Variants in PHTF1 observed in about 807,000 individuals in gnomAD.
PHTF1 encodes putative homeodomain transcription factor 1, also known as protein PHTF1.
In PHTF1, 88 loss-of-function variants were observed where a neutral mutation model predicts 102.4. The observed-to-expected ratio is 0.86, with a 90% CI of 0.72 to 1.03. The LOEUF (loss-of-function observed/expected upper bound fraction) is 1.03. Among genes scored for constraint, PHTF1 ranks in the 50% least tolerant of loss-of-function variants. The pLI is 0.00. For synonymous variants in PHTF1, 289 were observed against 305.2 expected (o/e 0.95, Z 0.55); for missense variants, 814 against 909.5 (o/e 0.89, Z 1.35).
intron 5 of PHTF1, among the ~76,000 whole-genome samples, chr1:113,731,119 T>C (rs774737298): frequency 6.6e-6 from 1 of 152,100 alleles, no homozygotes; most frequent in Non-Finnish European, 1.5e-5. Flanking sequence ...GTATACTTAA[T>C]GCCACTGAAC....
At chr1:113,710,583 A>G in intron 10 of PHTF1, 108 bp from the exon 11 acceptor site, 1 of 739,690 alleles carries the variant, frequency 1.4e-6, no homozygotes, top group Non-Finnish European at 2.2e-6. Flanking sequence ...AAGCCTTCAG[A>G]AGTCAATCAC....
intron 13 of PHTF1, among the ~76,000 whole-genome samples, chr1:113,705,465 A>C (rs1371815689): frequency 6.6e-6 from 1 of 151,930 alleles, no homozygotes; most frequent in Non-Finnish European, 1.5e-5. Context: ...AATAAATCAC[A>C]CTTCTTCTGC....
Position 113,726,520 on chromosome 1 carries a change from A to C in PHTF1, c.386T>G (p.Leu129Arg). ...MMPIVNISEV[L>R]GPLCLMLLMG... ...GAGTAGCATAAGGCACAAGGGTCCA[A>C]GTACTTCACTTATGTTCACAATAGG... Residue 129 changes from leucine to arginine, a missense_variant, in exon 6 of 19, where the codon CTT (leucine) becomes CGT (arginine). Transcript: ENST00000369604. 1 of 1,608,150 alleles carries C rather than the reference A, an allele frequency of 6.2e-7. No individual in the cohort carries two copies. Among genetic ancestry groups the C allele is most frequent in the South Asian group, 1.1e-5 (1 of 90,446 alleles).
At chr1:113,709,694 TCACACTA>T (rs1423860748) in intron 11 of PHTF1, among the ~76,000 whole-genome samples, 1 of 152,192 alleles carries the variant, frequency 6.6e-6, no homozygotes, top group Non-Finnish European at 1.5e-5. Flanking sequence ...ATTAGCTATT[TCACACTA>T]TTCCTAAGAA....
intron 3 of PHTF1, among the ~76,000 whole-genome samples, chr1:113,750,630 A>G (rs929866451): frequency 2.0e-5 from 3 of 150,344 alleles, no homozygotes; most frequent in African/African-American, 7.3e-5. Context: ...AGGCCAAGGC[A>G]GGCAGATCAT....
At chr1:113,700,717 T>G in intron 16 of PHTF1, 77 bp downstream of exon 16, 1 of 1,374,636 alleles carries the variant, frequency 7.3e-7, no homozygotes, top group Admixed American at 2.0e-5. Context: ...GATTAAACCC[T>G]GAATCCTCTG....
In PHTF1 at chr1:113,700,972, G is replaced by C. The variant is rs1300941331; in HGVS notation, c.1891-23C>G. On this transcript the variant is annotated intron_variant, in intron 15 of 18. Coordinates refer to ENST00000369604, the MANE Select transcript of PHTF1 (RefSeq NM_001323043.2). ...AACCTATACAAAGGATCAAAAAAAA[G>C]TTAAGTTTTTCATTTACCTTAAAAT... The C allele has an allele frequency of 2.6e-6, 4 of 1,557,532 alleles. No homozygotes were observed. The South Asian group carries it at 3.6e-5, about 14-fold the overall frequency.
intron 1 of PHTF1, 80 bp from the exon 2 acceptor site, chr1:113,758,813 T>C: frequency 1.3e-6 from 2 of 1,491,264 alleles, no homozygotes; most frequent in Non-Finnish European, 1.8e-6. Context: ...CGAAAACCGC[T>C]TCTCTCAGCC....
intron 2 of PHTF1, 25 bp downstream of exon 2, chr1:113,758,634 T>C (rs1659245587): frequency 2.9e-6 from 4 of 1,390,990 alleles, no homozygotes; most frequent in Admixed American, 2.1e-5. Flanking sequence ...GCTTTACAAA[T>C]AAAAAAAATA....
At chr1:113,752,606 G>A (rs1186133151) in intron 3 of PHTF1, among the ~76,000 whole-genome samples, 5 of 151,832 alleles carry the variant, frequency 3.3e-5, no homozygotes, top group Non-Finnish European at 5.9e-5. Flanking sequence ...GGATGGTCTC[G>A]ATCTCCTGAC....
chr1:113,722,131 A>G (rs137984801), intron 7 of PHTF1, among the ~76,000 whole-genome samples: 3 of 152,288 alleles, frequency 2.0e-5, no homozygotes, highest in African/African-American at 4.8e-5. Flanking sequence ...TCTATAATGA[A>G]AACTATAAAA....
Position 113,710,305 on chromosome 1 carries a change from A to G in PHTF1, c.1218T>C (p.Asn406=), listed in dbSNP as rs1433758489. 2 of 1,613,950 alleles carry G rather than the reference A, an allele frequency of 1.2e-6. No individual in the cohort carries two copies. Among genetic ancestry groups the G allele is most frequent in the African/African-American group, 2.7e-5 (2 of 74,938 alleles). ...CACGTTTGGTCCCTGAGTGAAGGGT[A>G]TTCACATGGGCCCCCTCACTGTCAC... ...VTSDSEGAHV[N]TLHSGTKRDP... is the part of the protein sequence containing the mutation. Residue 406 remains asparagine (N), a synonymous_variant, in exon 11 of 19, where the codon AAT becomes AAC. Transcript: ENST00000369604.
intron 5 of PHTF1, among the ~76,000 whole-genome samples, chr1:113,734,031 G>A (rs1317396647): frequency 6.6e-5 from 10 of 152,222 alleles, no homozygotes; most frequent in East Asian, 3.9e-4. Context: ...AGGCCAAGGC[G>A]GGTGGATCAC....
At chr1:113,698,748 C>T in intron 17 of PHTF1, 1 of 215,364 alleles carries the variant, frequency 4.6e-6, no homozygotes, top group South Asian at 7.1e-5. Flanking sequence ...GTTATTAACC[C>T]AAAACCATCA....
intron 3 of PHTF1, among the ~76,000 whole-genome samples, chr1:113,752,589 T>A (rs1446312976): frequency 6.6e-6 from 1 of 151,996 alleles, no homozygotes; most frequent in Non-Finnish European, 1.5e-5. Flanking sequence ...TTTCACCATG[T>A]TAGCCAGGAT....
At chr1:113,700,152 C>T (rs1156621450) in intron 16 of PHTF1, 1 of 967,784 alleles carries the variant, frequency 1.0e-6, no homozygotes, top group Non-Finnish European at 1.2e-6. Flanking sequence ...CTAACATCCT[C>T]ATTAAACATT....
At chr1:113,715,682 C>CAAAAAAAAAAAA (rs1553226392) in intron 7 of PHTF1, among the ~76,000 whole-genome samples, 3 of 54,200 alleles carry the variant, frequency 5.5e-5, no homozygotes, top group Non-Finnish European at 8.6e-5. Flanking sequence ...AAAAAAAAAG[C>CAAAAAAAAAAAA]TATTTTGAGG....
At chr1:113,736,341 C>CAA (rs57050485) in intron 5 of PHTF1, among the ~76,000 whole-genome samples, 5 of 60,718 alleles carry the variant, frequency 8.2e-5, no homozygotes, top group Admixed American at 3.8e-4. Flanking sequence ...GACTCCATCT[C>CAA]AAAAAAAAAA....
chr1:113,746,408 C>G lies in PHTF1; in HGVS notation c.103-7609G>C, dbSNP rs532982839. 2.6e-5 allele frequency among the ~76,000 whole-genome samples: 4 copies of G among 152,282 alleles called. No individual in the cohort carries two copies. The South Asian group carries it at 8.3e-4, about 32-fold the overall frequency. ...CACATTCCACTGGCCAAGCAAATCC[C>G]CTGACTAAGGTGGAAGTCTGTGGGG... On this transcript the variant is annotated intron_variant, in intron 3 of 18. Transcript: ENST00000369604.
Sources: gnomAD v4.1 joint callset for allele counts (sites outside exome capture counted in the v4.1 genomes callset) on GRCh38, gnomAD v4.1.1 for gene constraint, MANE v1.5 for transcripts, NCBI Gene and HGNC (gene_info 2026-07-23, HGNC 2026-07-21) for gene names.